The following AOPEP variants were observed in gnomAD, a reference collection of about 807,000 sequenced individuals.
AOPEP encodes aminopeptidase O.
AOPEP carries 77 observed loss-of-function variants against 98.1 expected under a neutral mutation model. That is an observed-to-expected ratio of 0.78 (90% confidence interval 0.65 to 0.95). The LOEUF is 0.95. Among genes scored for constraint, AOPEP ranks in the 40% least tolerant of loss-of-function variants. The pLI, the probability that AOPEP is intolerant of heterozygous loss-of-function variation, is 0.00. For synonymous variants in AOPEP, 346 were observed against 365.3 expected (o/e 0.95, Z 0.60); for missense variants, 1,024 against 1,024.7 (o/e 1.00, Z 0.01).
At position 94,731,231 on chromosome 9, in the gene AOPEP, G is replaced by GT. The variant is rs1016664290; in HGVS notation, c.-136+4494dup. On this transcript the variant is annotated intron_variant, in intron 1 of 16. Transcript: ENST00000375315. The stretch of plus-strand genomic sequence containing the variant: ...ACAAGTCAAGAGACTTATCCAACTT[G>GT]TTTTTTTTTTTTTTGAGACGGAGTC... Among the ~76,000 whole-genome samples the GT allele has an allele frequency of 3.1e-3, 450 of 143,162 alleles. 1 individual carries two copies. The highest frequency in any genetic ancestry group is 2.9e-3 in the Admixed American group (42 of 14,300). The allele number at this position is 143,162 out of a possible 152,430, so 93.9% of individuals were successfully genotyped here. A position where few individuals can be genotyped will look rare whatever the true frequency, so the allele number is the denominator to read the frequency against.
the AOPEP span, chr9:95,145,289 T>C: frequency 2.0e-5 from 3 of 152,164 alleles, no homozygotes; most frequent in African/African-American, 4.8e-5. Flanking sequence ...AGTGAAAACA[T>C]TGAAAACACA....
At chr9:95,093,532 C>T in the AOPEP span, among the ~76,000 whole-genome samples, 1 of 152,184 alleles carries the variant, frequency 6.6e-6, no homozygotes, top group Admixed American at 6.5e-5. Context: ...CCTTTGCATA[C>T]TTGATAACAA....
At position 94,802,546 on chromosome 9, in the gene AOPEP, C is replaced by T. The variant is rs545903501; in HGVS notation, c.1364+1544C>T. Among the ~76,000 whole-genome samples, 23 of 152,226 alleles carry T rather than the reference C, an allele frequency of 1.5e-4. 1 individual carries two copies. Among genetic ancestry groups the T allele is most frequent in the South Asian group, 6.2e-4 (3 of 4,816 alleles). On this transcript the variant is annotated intron_variant, in intron 5 of 16. Transcript: ENST00000375315. ...TAGGCTGTGTGTTTGCTGCTTTTTGCGATATTTGAAGTGATTTAAACATGC... is the reference window on the plus strand; with the variant it reads ...TAGGCTGTGTGTTTGCTGCTTTTTGTGATATTTGAAGTGATTTAAACATGC...
intron 13 of AOPEP, among the ~76,000 whole-genome samples, chr9:95,042,538 G>C (rs2065427650): frequency 6.6e-6 from 1 of 152,152 alleles, no homozygotes; most frequent in African/African-American, 2.4e-5. Flanking sequence ...GAGGTCAGAA[G>C]TCCAACATCA....
chr9:95,107,395 C>G, the AOPEP span: 1 of 1,032,292 alleles, frequency 9.7e-7, no homozygotes, highest in South Asian at 1.4e-5. Flanking sequence ...AGAGAGGGAG[C>G]TAGGCAGCGG....
At chr9:94,741,451 T>G (rs1201338359) in intron 1 of AOPEP, among the ~76,000 whole-genome samples, 1 of 151,954 alleles carries the variant, frequency 6.6e-6, no homozygotes, top group South Asian at 2.1e-4. Flanking sequence ...TTTTGTATTT[T>G]TAGTAGAGAC....
chr9:94,992,338 A>G lies in AOPEP; in HGVS notation c.1978-12820A>G, dbSNP rs1278470118. ...GCAAAAGACCCTGTTCTTCCAGGTCAGTCCTCCAGCTTGGGCCTTTACGAC... is the reference window on the plus strand; with the variant it reads ...GCAAAAGACCCTGTTCTTCCAGGTCGGTCCTCCAGCTTGGGCCTTTACGAC... On this transcript the variant is annotated intron_variant, in intron 11 of 16. Transcript: ENST00000375315. 2.0e-5 allele frequency among the ~76,000 whole-genome samples: 3 copies of G among 152,238 alleles called. No homozygotes were observed. The East Asian group carries it at 5.8e-4, about 29-fold the overall frequency.
intron 5 of AOPEP, among the ~76,000 whole-genome samples, chr9:94,826,110 G>A (rs913745851): frequency 1.3e-5 from 2 of 151,962 alleles, no homozygotes; most frequent in Admixed American, 1.3e-4. Flanking sequence ...TTTTAAAAGG[G>A]TATTGTTTCA....
intron 7 of AOPEP, among the ~76,000 whole-genome samples, chr9:94,948,304 G>A (rs1328653842): frequency 6.6e-6 from 1 of 151,874 alleles, no homozygotes; most frequent in African/African-American, 2.4e-5. Context: ...GTATAAAGCC[G>A]TGAAACAACT....
intron 5 of AOPEP, among the ~76,000 whole-genome samples, chr9:94,804,312 A>C (rs1278408614): frequency 6.6e-6 from 1 of 152,218 alleles, no homozygotes. Context: ...TCACAATTAC[A>C]TGTCATGGCA....
chr9:94,800,015 A>G (rs779250594), intron 4 of AOPEP, among the ~76,000 whole-genome samples: 22 of 152,292 alleles, frequency 1.4e-4, no homozygotes, highest in Non-Finnish European at 3.2e-4. Context: ...GGTTCTAGGA[A>G]TTCTCTTTCA....
At chr9:94,810,963 T>C (rs1201571546) in intron 5 of AOPEP, among the ~76,000 whole-genome samples, 1 of 152,164 alleles carries the variant, frequency 6.6e-6, no homozygotes, top group African/African-American at 2.4e-5. Flanking sequence ...GAAGGCCTTC[T>C]TCCTTCAGCC....
chr9:94,951,139 A>G (rs1190013375), intron 7 of AOPEP, among the ~76,000 whole-genome samples: 1 of 152,232 alleles, frequency 6.6e-6, no homozygotes, highest in African/African-American at 2.4e-5. Flanking sequence ...TGGTAACTTG[A>G]TCTCTCACAT....
At chr9:94,911,241 A>T (rs2051992232) in intron 5 of AOPEP, among the ~76,000 whole-genome samples, 1 of 152,130 alleles carries the variant, frequency 6.6e-6, no homozygotes, top group Non-Finnish European at 1.5e-5. Context: ...TTCCTTTTGG[A>T]GATAAGAGAT....
chr9:95,005,485 G>A (rs1257363242), intron 12 of AOPEP, 57 bp from the exon 13 acceptor site: 13 of 1,495,512 alleles, frequency 8.7e-6, no homozygotes, highest in Non-Finnish European at 1.2e-5. Flanking sequence ...TCGCGCTGGG[G>A]GATGGCCGTC....
chr9:95,105,942 G>C, the AOPEP span, among the ~76,000 whole-genome samples: 1 of 152,224 alleles, frequency 6.6e-6, no homozygotes, highest in Non-Finnish European at 1.5e-5. Flanking sequence ...CACTGGGCCA[G>C]ATGGCCCTCC....
At chr9:95,043,531 G>C (rs2065550683) in intron 13 of AOPEP, among the ~76,000 whole-genome samples, 1 of 152,106 alleles carries the variant, frequency 6.6e-6, no homozygotes, top group Non-Finnish European at 1.5e-5. Context: ...TTAATCGTTT[G>C]CTTTGTCTTG....
chr9:95,021,620 A>G (rs1163271438), intron 13 of AOPEP: 1 of 152,252 alleles, frequency 6.6e-6, no homozygotes, highest in Non-Finnish European at 1.5e-5. Flanking sequence ...TGTGCATACA[A>G]GCATGCACAT....
intron 2 of AOPEP, chr9:94,763,067 A>G: frequency 2.5e-6 from 1 of 403,664 alleles, no homozygotes; most frequent in Admixed American, 3.5e-5. Context: ...GAATATTATC[A>G]GTTATACCCG....
Sources: allele counts gnomAD v4.1 joint callset (sites outside exome capture counted in the v4.1 genomes callset), GRCh38; gene constraint gnomAD v4.1.1; transcripts MANE v1.5; gene names NCBI Gene and HGNC (gene_info 2026-07-23, HGNC 2026-07-21).